Variants in ASPRV1 observed in about 807,000 individuals in gnomAD.
ASPRV1 encodes the protein aspartic peptidase retroviral like 1.
Under a neutral mutation model 11.0 loss-of-function variants are expected in ASPRV1, and 7 were observed. That is an observed-to-expected ratio of 0.64 (90% CI 0.36 to 1.20). The LOEUF (loss-of-function observed/expected upper bound fraction) is 1.20, where lower values mean the gene tolerates loss of function less well. Among genes scored for constraint, ASPRV1 ranks in the 50% most tolerant of loss-of-function variants. The probability of loss-of-function intolerance (pLI) is 0.02; values close to 1 mark genes in which losing one functional copy is unlikely to be tolerated. For synonymous variants in ASPRV1, 136 were observed against 138.4 expected, an observed-to-expected ratio of 0.98 and a Z score of 0.12; for missense variants, 299 against 320.0, an observed-to-expected ratio of 0.93 and a Z score of 0.50.
the ASPRV1 span, among the ~76,000 whole-genome samples, chr2:70,051,623 A>G: frequency 6.6e-6 from 1 of 152,230 alleles, no homozygotes; most frequent in Non-Finnish European, 1.5e-5. Context: ...ACAAATATTT[A>G]TTAAGCATCA....
At chr2:70,085,962 G>C in the ASPRV1 span, 1 of 152,194 alleles carries the variant, frequency 6.6e-6, no homozygotes, top group East Asian at 1.9e-4. Flanking sequence ...TAAATGCTTT[G>C]GTACTGTGGG....
chr2:69,948,471 G>T, the ASPRV1 span, among the ~76,000 whole-genome samples: 1 of 152,220 alleles, frequency 6.6e-6, no homozygotes, highest in Non-Finnish European at 1.5e-5. Context: ...GTGGTTGCCA[G>T]ATGGCACTGA....
chr2:70,076,255 T>C, the ASPRV1 span, among the ~76,000 whole-genome samples: 1 of 152,248 alleles, frequency 6.6e-6, no homozygotes, highest in Non-Finnish European at 1.5e-5. Flanking sequence ...ACTAAGGTGA[T>C]GCAGCGTAAT....
the ASPRV1 span, among the ~76,000 whole-genome samples, chr2:69,983,029 C>T: frequency 6.6e-6 from 1 of 152,168 alleles, no homozygotes; most frequent in African/African-American, 2.4e-5. Context: ...AGTGATTCTC[C>T]TGCTCCAGCC....
the ASPRV1 span, chr2:69,942,606 C>T: frequency 6.6e-6 from 1 of 152,130 alleles, no homozygotes; most frequent in Admixed American, 6.5e-5. Flanking sequence ...TTAGCTTTTA[C>T]CTGACAACCA....
chr2:69,952,569 A>AAAAAG, the ASPRV1 span, among the ~76,000 whole-genome samples: 1 of 151,566 alleles, frequency 6.6e-6, no homozygotes, highest in Non-Finnish European at 1.5e-5. Context: ...AAAGAAAAGA[A>AAAAAG]AAAAGAAAAG....
chr2:70,070,179 C>CAAAAAAAAAAAA, the ASPRV1 span: 4 of 47,134 alleles, frequency 8.5e-5, no homozygotes, highest in Admixed American at 2.6e-4. Flanking sequence ...GACTCCATCT[C>CAAAAAAAAAAAA]AAAAAAAAAA....
At chr2:69,948,386 T>C in the ASPRV1 span, among the ~76,000 whole-genome samples, 2 of 152,238 alleles carry the variant, frequency 1.3e-5, no homozygotes, top group Non-Finnish European at 2.9e-5. Context: ...GTCCTCAGCC[T>C]GTTCCACTCA....
the ASPRV1 span, among the ~76,000 whole-genome samples, chr2:70,019,521 TCAG>T: frequency 0.13 from 19,456 of 152,140 alleles, 1,815 homozygotes; most frequent in South Asian, 0.24. Context: ...TAAGTGTCCA[TCAG>T]CAGATGAATG....
At chr2:70,000,128 C>T in the ASPRV1 span, among the ~76,000 whole-genome samples, 1 of 152,140 alleles carries the variant, frequency 6.6e-6, no homozygotes, top group East Asian at 1.9e-4. Flanking sequence ...ATTTTAGATT[C>T]ATGAATGCTT....
the ASPRV1 span, among the ~76,000 whole-genome samples, chr2:69,952,644 C>T: frequency 7.9e-5 from 12 of 152,032 alleles, no homozygotes; most frequent in Admixed American, 7.9e-4. Context: ...AAGAGATTGC[C>T]ACATAAGCAA....
the ASPRV1 span, chr2:69,968,400 T>C: frequency 2.0e-5 from 3 of 152,102 alleles, no homozygotes; most frequent in African/African-American, 7.2e-5. Flanking sequence ...GGCACATGCC[T>C]GTAGTCCCAG....
chr2:70,081,965 T>G, the ASPRV1 span, among the ~76,000 whole-genome samples: 3 of 151,600 alleles, frequency 2.0e-5, no homozygotes, highest in African/African-American at 7.2e-5. Context: ...AAAAGCTACG[T>G]TAGTAGGGCA....
At chr2:70,066,698 A>G in the ASPRV1 span, among the ~76,000 whole-genome samples, 3 of 152,080 alleles carry the variant, frequency 2.0e-5, no homozygotes, top group Non-Finnish European at 4.4e-5. Context: ...CCCAAGCTCA[A>G]ATGATCCTCC....
the ASPRV1 span, among the ~76,000 whole-genome samples, chr2:70,013,409 T>A: frequency 6.6e-6 from 1 of 152,218 alleles, no homozygotes; most frequent in African/African-American, 2.4e-5. Flanking sequence ...TCCAAATCTG[T>A]ATGTAGCTGG....
chr2:69,951,529 T>G, the ASPRV1 span, among the ~76,000 whole-genome samples: 597 of 143,384 alleles, frequency 4.2e-3, 3 homozygotes, highest in Non-Finnish European at 6.5e-3. Context: ...ACACACACAC[T>G]CATATCATAT....
At chr2:70,021,484 A>G in the ASPRV1 span, among the ~76,000 whole-genome samples, 1 of 151,406 alleles carries the variant, frequency 6.6e-6, no homozygotes, top group African/African-American at 2.4e-5. Flanking sequence ...ACGCCCGGCT[A>G]ATTTTTTGTA....
chr2:70,012,102 TC>T, the ASPRV1 span: 2 of 151,306 alleles, frequency 1.3e-5, no homozygotes, highest in Admixed American at 6.6e-5. Context: ...CAAATTATGA[TC>T]CCTGGACTCC....
At chr2:70,025,243 T>C in the ASPRV1 span, among the ~76,000 whole-genome samples, 3 of 152,284 alleles carry the variant, frequency 2.0e-5, no homozygotes, top group African/African-American at 4.8e-5. Context: ...ATTTTAATGA[T>C]AGAAAGAGTG....
Sources: gnomAD v4.1 joint callset for allele counts (sites outside exome capture counted in the v4.1 genomes callset) on GRCh38, gnomAD v4.1.1 for gene constraint, MANE v1.5 for transcripts, NCBI Gene and HGNC (gene_info 2026-07-23, HGNC 2026-07-21) for gene names.